Variants in COX4I2 observed in about 807,000 individuals in gnomAD.
COX4I2 encodes cytochrome c oxidase subunit 4 isoform 2, mitochondrial.
COX4I2 carries 15 observed loss-of-function variants against 20.8 expected under a neutral mutation model. That is an observed-to-expected ratio of 0.72 (90% CI 0.48 to 1.11). The LOEUF is 1.11. Ranked by LOEUF, COX4I2 falls within the 50% of genes most tolerant of loss-of-function variation. The pLI, the probability that COX4I2 is intolerant of heterozygous loss-of-function variation, is 0.00. For synonymous variants in COX4I2, 80 were observed against 78.1 expected, an observed-to-expected ratio of 1.02 and a Z score of -0.13; for missense variants, 224 against 223.0, an observed-to-expected ratio of 1.00 and a Z score of -0.03.
chr20:31,640,586 T>A (rs1246276613), intron 3 of COX4I2, among the ~76,000 whole-genome samples: 1 of 151,710 alleles, frequency 6.6e-6, no homozygotes, highest in Non-Finnish European at 1.5e-5. Context: ...GTGGGGGAGA[T>A]GGGACAGAGA....
Position 31,643,508 on chromosome 20 carries a change from C to G in COX4I2, c.352C>G (p.Leu118Val). 1 of 1,614,166 alleles carries G rather than the reference C, an allele frequency of 6.2e-7. No homozygotes were observed. The highest frequency in any genetic ancestry group is 8.5e-7 in the Non-Finnish European group (1 of 1,180,036). Reference protein sequence around the residue: ...CVFFFIGFAALVIWWQRVYVF... With the variant: ...CVFFFIGFAAVVIWWQRVYVF... ...CTTCTTCTTCATTGGATTCGCAGCT[C>G]TGGTGATTTGGTGGCAGCGGGTCTA... The change falls in exon 4 of 5, where the codon CTG becomes GTG. Residue 118 changes from leucine to valine, a missense_variant. Leu to Val is a conservative substitution (Grantham distance 32). Coordinates refer to ENST00000376075, the MANE Select transcript of COX4I2 (RefSeq NM_032609.3).
intron 3 of COX4I2, among the ~76,000 whole-genome samples, chr20:31,641,540 C>T (rs751411905): frequency 1.4e-4 from 22 of 152,214 alleles, no homozygotes; most frequent in African/African-American, 4.8e-4. Context: ...GGCGTGCAGT[C>T]ACTTACAGTG....
chr20:31,644,791 T>C lies in COX4I2; in HGVS notation c.403T>C (p.Leu135=). 2 of 1,614,134 alleles carry C rather than the reference T, an allele frequency of 1.2e-6. No homozygotes were observed. Among genetic ancestry groups the C allele is most frequent in the East Asian group, 2.2e-5 (1 of 44,868 alleles). ...AGTATTTCCTCCAAAGCCGATCACCTTGACGGACGAGCGGAAAGCCCAGCA... is the reference window on the plus strand; with the variant it reads ...AGTATTTCCTCCAAAGCCGATCACCCTGACGGACGAGCGGAAAGCCCAGCA... ...VYVFPPKPIT[L]TDERKAQQLQ... The change falls in exon 5 of 5, where the codon TTG becomes CTG. Residue 135 remains leucine (L), a synonymous_variant. Transcript: ENST00000376075.
intron 1 of COX4I2, among the ~76,000 whole-genome samples, chr20:31,638,433 C>T (rs2060448167): frequency 6.7e-6 from 1 of 148,462 alleles, no homozygotes; most frequent in Non-Finnish European, 1.5e-5. Flanking sequence ...TGAGTCTTCC[C>T]TGGGGGTGGG....
rs1407338533 is a variant in COX4I2, at chr20:31,643,469, G to A, written c.313G>A (p.Val105Met). The change falls in exon 4 of 5, where the codon GTG (valine) becomes ATG (methionine). Residue 105 changes from valine (V) to methionine (M), a missense_variant. By Grantham distance (21) the Val-to-Met change is conservative (BLOSUM62 1). Coordinates refer to ENST00000376075, the MANE Select transcript of COX4I2 (RefSeq NM_032609.3). ...MNRRSNEWKT[V>M]MGCVFFFIGF... ...CCGTCGCTCCAATGAGTGGAAGACAGTGATGGGTTGTGTCTTCTTCTTCAT... is the reference window on the plus strand; with the variant it reads ...CCGTCGCTCCAATGAGTGGAAGACAATGATGGGTTGTGTCTTCTTCTTCAT... 1.2e-6 allele frequency: 2 copies of A among 1,614,184 alleles called. No individual in the cohort carries two copies. The highest frequency in any genetic ancestry group is 2.2e-5 in the South Asian group (2 of 91,080).
chr20:31,640,954 T>TACACCC (rs2060464306), intron 3 of COX4I2, among the ~76,000 whole-genome samples: 1 of 133,534 alleles, frequency 7.5e-6, no homozygotes, highest in Non-Finnish European at 1.6e-5. Flanking sequence ...TCTCTCTTTC[T>TACACCC]ACACACACAC....
intron 2 of COX4I2, among the ~76,000 whole-genome samples, chr20:31,639,558 C>CTTTTTTTTT (rs770616004): frequency 0.023 from 3,107 of 132,858 alleles, 93 homozygotes; most frequent in Non-Finnish European, 0.032. Context: ...TATAAACCTC[C>CTTTTTTTTT]TTTTTTTTTT....
rs571294880 is a variant in COX4I2, at chr20:31,644,206, C to G, written c.380-562C>G. On this transcript the variant is annotated intron_variant, in intron 4 of 4. Coordinates refer to ENST00000376075, the MANE Select transcript of COX4I2 (RefSeq NM_032609.3). ...GGAATTATTTCATCCTGGACCCTGC[C>G]CAGCAAGTGGGAACAAACTCAGTAA... is the stretch of plus-strand genomic sequence containing the variant. Among the ~76,000 whole-genome samples the G allele has an allele frequency of 1.3e-3, 200 of 152,306 alleles. 1 individual carries two copies. The highest frequency in any genetic ancestry group is 1.5e-3 in the South Asian group (7 of 4,826).
In COX4I2 at chr20:31,643,393, A is replaced by G. The variant is rs375987960; in HGVS notation, c.248-11A>G. Reference sequence around the variant, plus strand: ...ACCTGAGGCCCCTTCCCCACACCCAACTGCCTCCAGTGTACCGGCTCCAGT... The same window carrying G: ...ACCTGAGGCCCCTTCCCCACACCCAGCTGCCTCCAGTGTACCGGCTCCAGT... On this transcript the variant is annotated splice_polypyrimidine_tract_variant and intron_variant, in intron 3 of 4. Transcript: ENST00000376075. The G allele has an allele frequency of 1.1e-5, 18 of 1,613,846 alleles. No homozygotes were observed. The highest frequency in any genetic ancestry group is 1.1e-4 in the African/African-American group (8 of 74,914).
chr20:31,644,665 C>A, intron 4 of COX4I2, 103 bp from the exon 5 acceptor site: 1 of 1,340,338 alleles, frequency 7.5e-7, no homozygotes, highest in Non-Finnish European at 1.1e-6. Flanking sequence ...GTATCTTGTA[C>A]CGTCAGCCTT....
At chr20:31,642,558 G>T (rs2060474617) in intron 3 of COX4I2, among the ~76,000 whole-genome samples, 1 of 148,116 alleles carries the variant, frequency 6.8e-6, no homozygotes, top group African/African-American at 2.5e-5. Context: ...TCCTGCCTCA[G>T]CCTCTCGAGT....
Position 31,639,880 on chromosome 20 carries a change from G to C in COX4I2, c.83-53G>C, listed in dbSNP as rs1259575421. The C allele has an allele frequency of 2.5e-6, 4 of 1,602,944 alleles. No individual in the cohort carries two copies. The African/African-American group carries it at 5.4e-5, about 21-fold the overall frequency. ...CACCTTCTTTATTAATATAGTTAGA[G>C]ATAGGGTGTCCCAAGGGCAGCCTGG... On this transcript the variant is annotated intron_variant, in intron 2 of 4. Transcript: ENST00000376075.
At chr20:31,639,627 G>A (rs997976440) in intron 2 of COX4I2, among the ~76,000 whole-genome samples, 3 of 148,426 alleles carry the variant, frequency 2.0e-5, no homozygotes, top group Non-Finnish European at 3.0e-5. Context: ...GCGCAATGTC[G>A]GCTCACTGCA....
chr20:31,640,992 CACAT>C (rs1218041716), intron 3 of COX4I2, among the ~76,000 whole-genome samples: 2 of 149,114 alleles, frequency 1.3e-5, no homozygotes, highest in African/African-American at 2.5e-5. Flanking sequence ...CACACACACA[CACAT>C]CTTGGTTTTT....
At chr20:31,641,437 T>C (rs1429185519) in intron 3 of COX4I2, among the ~76,000 whole-genome samples, 6 of 151,156 alleles carry the variant, frequency 4.0e-5, no homozygotes, top group African/African-American at 1.5e-4. Flanking sequence ...ATGAGCACCA[T>C]CCCTAATATG....
chr20:31,640,464 C>A (rs2060461724), intron 3 of COX4I2, among the ~76,000 whole-genome samples: 1 of 152,096 alleles, frequency 6.6e-6, no homozygotes, highest in South Asian at 2.1e-4. Flanking sequence ...CAGAGGAGGG[C>A]ACATTCCAGC....
At chr20:31,643,240 C>T (rs757987562) in intron 3 of COX4I2, among the ~76,000 whole-genome samples, 164 bp from the exon 4 acceptor site, 37 of 152,226 alleles carry the variant, frequency 2.4e-4, no homozygotes, top group Non-Finnish European at 4.6e-4. Flanking sequence ...GGATTTTCAT[C>T]TGGCTCATTC....
intron 2 of COX4I2, 37 bp downstream of exon 2, chr20:31,639,136 G>C: frequency 6.3e-7 from 1 of 1,579,956 alleles, no homozygotes; most frequent in Non-Finnish European, 8.6e-7. Flanking sequence ...CCTAACTCCA[G>C]AGATAGGGGC....
chr20:31,644,487 G>A (rs1276437549), intron 4 of COX4I2, among the ~76,000 whole-genome samples: 1 of 152,200 alleles, frequency 6.6e-6, no homozygotes, highest in African/African-American at 2.4e-5. Flanking sequence ...TAGGTGAGGT[G>A]ACTGAGTTGT....
Sources: allele counts gnomAD v4.1 joint callset (sites outside exome capture counted in the v4.1 genomes callset), GRCh38; gene constraint gnomAD v4.1.1; transcripts MANE v1.5; gene names NCBI Gene and HGNC (gene_info 2026-07-23, HGNC 2026-07-21).